The following SPI1 variants were observed in gnomAD, a reference collection of about 807,000 sequenced individuals.
SPI1 encodes the protein transcription factor PU.1.
In SPI1, 3 loss-of-function variants were observed where a neutral mutation model predicts 30.7. The ratio of observed to expected loss-of-function variants is 0.10; its 90% CI spans 0.04 to 0.25. SPI1 has a LOEUF of 0.25. Ranked by LOEUF, SPI1 falls within the 10% of genes least tolerant of loss-of-function variation. The pLI, the probability that SPI1 is intolerant of heterozygous loss-of-function variation, is 1.00. For missense variants in SPI1, 261 were observed against 371.5 expected (o/e 0.70, Z 2.45); for synonymous variants, 169 against 157.1 (o/e 1.08, Z -0.56).
intron 2 of SPI1, among the ~76,000 whole-genome samples, chr11:47,370,865 T>G (rs2095934769): frequency 6.6e-6 from 1 of 151,776 alleles, no homozygotes; most frequent in African/African-American, 2.4e-5. Context: ...ATTGGGGATG[T>G]GTGGAGAAAT....
intron 2 of SPI1, among the ~76,000 whole-genome samples, chr11:47,362,376 C>T (rs1337646394): frequency 6.6e-6 from 1 of 152,034 alleles, no homozygotes; most frequent in Admixed American, 6.6e-5. Context: ...TTGAGACCGG[C>T]CTGGGCAACA....
At chr11:47,356,059 ACT>A (rs1217096927) in intron 4 of SPI1, among the ~76,000 whole-genome samples, 7 of 150,038 alleles carry the variant, frequency 4.7e-5, no homozygotes, top group Non-Finnish European at 5.9e-5. Context: ...GTGCTCACAG[ACT>A]CACACCCACA....
intron 2 of SPI1, among the ~76,000 whole-genome samples, chr11:47,361,771 A>G (rs770770919): frequency 1.3e-5 from 2 of 152,068 alleles, no homozygotes; most frequent in Admixed American, 1.3e-4. Context: ...CACATCCCTA[A>G]TAGATAATCA....
chr11:47,356,993 T>C (rs1471078845), intron 4 of SPI1, among the ~76,000 whole-genome samples: 1 of 145,794 alleles, frequency 6.9e-6, no homozygotes, highest in Non-Finnish European at 1.5e-5. Context: ...TGCTCACCTA[T>C]CCATACACAC....
At chr11:47,367,137 AAATT>A (rs1368469691) in intron 2 of SPI1, among the ~76,000 whole-genome samples, 1 of 152,204 alleles carries the variant, frequency 6.6e-6, no homozygotes, top group Non-Finnish European at 1.5e-5. Context: ...GTGTGTGAAT[AAATT>A]AATGAATGTG....
chr11:47,361,504 C>T (rs935217930), intron 2 of SPI1, among the ~76,000 whole-genome samples: 1 of 152,202 alleles, frequency 6.6e-6, no homozygotes, highest in Non-Finnish European at 1.5e-5. Flanking sequence ...AGCATGAACA[C>T]CTTTTCCAGG....
chr11:47,355,845 C>T (rs937737239), intron 4 of SPI1, among the ~76,000 whole-genome samples: 1 of 112,536 alleles, frequency 8.9e-6, no homozygotes, highest in Non-Finnish European at 1.9e-5. Flanking sequence ...ATCCACATAA[C>T]GCACCCACAC....
intron 4 of SPI1, among the ~76,000 whole-genome samples, chr11:47,356,826 CACGTT>C (rs1242626416): frequency 7.3e-5 from 11 of 150,610 alleles, no homozygotes; most frequent in African/African-American, 2.7e-4. Flanking sequence ...ACACACATCT[CACGTT>C]ACTCAGCCCC....
At chr11:47,362,395 C>T (rs2095922051) in intron 2 of SPI1, among the ~76,000 whole-genome samples, 1 of 151,944 alleles carries the variant, frequency 6.6e-6, no homozygotes, top group African/African-American at 2.4e-5. Flanking sequence ...CATAGTGAGA[C>T]CCTATCTCTA....
intron 2 of SPI1, among the ~76,000 whole-genome samples, chr11:47,361,360 G>A (rs1360061935): frequency 2.6e-5 from 4 of 152,116 alleles, no homozygotes; most frequent in African/African-American, 2.4e-5. Flanking sequence ...CTGTGTTCCC[G>A]TGAGGTTCCT....
At chr11:47,371,076 G>A (rs1209379394) in intron 2 of SPI1, among the ~76,000 whole-genome samples, 6 of 151,738 alleles carry the variant, frequency 4.0e-5, no homozygotes, top group Non-Finnish European at 5.9e-5. Flanking sequence ...TAGAAAGACT[G>A]GAGGCCGGGC....
chr11:47,366,531 G>C (rs542098207), intron 2 of SPI1, among the ~76,000 whole-genome samples: 1 of 152,106 alleles, frequency 6.6e-6, no homozygotes, highest in Admixed American at 6.6e-5. Context: ...TAGGGCTCCC[G>C]AAGCCCAGCC....
chr11:47,355,826 CAT>C (rs1400907021), intron 4 of SPI1, among the ~76,000 whole-genome samples: 4 of 148,802 alleles, frequency 2.7e-5, no homozygotes, highest in East Asian at 2.0e-4. Context: ...AGTACACACA[CAT>C]GCTCACATCC....
chr11:47,369,213 C>T (rs984044560), intron 2 of SPI1, among the ~76,000 whole-genome samples: 22 of 152,226 alleles, frequency 1.4e-4, no homozygotes, highest in Non-Finnish European at 2.2e-4. Flanking sequence ...GATCACGCCA[C>T]TGCACTCCAG....
rs1014383345 is a variant in SPI1, at chr11:47,374,823, G to A, written c.142+810C>T. Among the ~76,000 whole-genome samples the A allele has an allele frequency of 2.6e-5, 4 of 152,244 alleles. No individual in the cohort carries two copies. The highest frequency in any genetic ancestry group is 2.9e-5 in the Non-Finnish European group (2 of 68,048). ...GAATTTGCTCCAGGACGGAGGCTGGGCTATGGGGCAGACAGTCAGACCCAG... is the reference window on the plus strand; with the variant it reads ...GAATTTGCTCCAGGACGGAGGCTGGACTATGGGGCAGACAGTCAGACCCAG... On this transcript the variant is annotated intron_variant, in intron 2 of 4. Transcript: ENST00000378538. The surrounding 1 kb of genome is among the most constrained non-coding windows in gnomAD (Gnocchi z 4.5).
chr11:47,360,015 G>T lies in SPI1; in HGVS notation c.168C>A (p.His56Gln). 6.3e-7 allele frequency: 1 copy of T among 1,589,026 alleles called. No individual in the cohort carries two copies. The highest frequency in any genetic ancestry group is 8.6e-7 in the Non-Finnish European group (1 of 1,166,094). ...HSDHYWDFHPHHVHSEFESFA... is the reference protein window; with the variant it reads ...HSDHYWDFHPQHVHSEFESFA... ...AGCTCTCGAACTCGCTGTGCACGTG[G>T]TGGGGGTGGAAGTCCCAGTAATGGT... Residue 56 changes from histidine (H) to glutamine (Q), a missense_variant, in exon 3 of 5, where the codon CAC (histidine) becomes CAA (glutamine). Coordinates refer to ENST00000378538, the MANE Select transcript of SPI1 (RefSeq NM_003120.3).
Position 47,365,992 on chromosome 11 carries a change from G to T in SPI1, c.143-5952C>A, listed in dbSNP as rs796560694. Among the ~76,000 whole-genome samples the T allele has an allele frequency of 2.0e-5, 3 of 152,286 alleles. No individual in the cohort carries two copies. In the South Asian group the frequency reaches 6.2e-4, roughly 32 times the overall value. On this transcript the variant is annotated intron_variant, in intron 2 of 4. Coordinates refer to ENST00000378538, the MANE Select transcript of SPI1 (RefSeq NM_003120.3). ...TTACAGGCATGAGCCACTGCACCCAGCCAACACTGAGAGATTTTAATGAGT... is the reference window on the plus strand; with the variant it reads ...TTACAGGCATGAGCCACTGCACCCATCCAACACTGAGAGATTTTAATGAGT...
chr11:47,372,105 CTTTT>C (rs912143261), intron 2 of SPI1, among the ~76,000 whole-genome samples: 11 of 140,854 alleles, frequency 7.8e-5, no homozygotes, highest in Admixed American at 1.4e-4. Context: ...TTGTCTGATT[CTTTT>C]TTTTTTTTTT....
At position 47,375,776 on chromosome 11, in the gene SPI1, C is replaced by T; in HGVS notation, c.46-47G>A. 1 of 1,499,738 alleles carries T rather than the reference C, an allele frequency of 6.7e-7. No homozygotes were observed. The highest frequency in any genetic ancestry group is 9.3e-7 in the Non-Finnish European group (1 of 1,077,024). The allele number at this position is 1,499,738 out of a possible 1,614,324, so 92.9% of individuals were successfully genotyped here. A position where few individuals can be genotyped will look rare whatever the true frequency, so the allele number is the denominator to read the frequency against. On this transcript the variant is annotated intron_variant, in intron 1 of 4. Coordinates refer to ENST00000378538, the MANE Select transcript of SPI1 (RefSeq NM_003120.3). The surrounding 1 kb of genome is among the most constrained non-coding windows in gnomAD (Gnocchi z 4.2). Reference sequence around the variant, plus strand: ...GGGCCTGCACCATGGTGGGAGACCCCAGCCAGGCCTGCAGCACCCCCGCAC... The same window carrying T: ...GGGCCTGCACCATGGTGGGAGACCCTAGCCAGGCCTGCAGCACCCCCGCAC...
Sources: allele counts gnomAD v4.1 joint callset (sites outside exome capture counted in the v4.1 genomes callset), GRCh38; gene constraint gnomAD v4.1.1; non-coding constraint Gnocchi (gnomAD v3.1); transcripts MANE v1.5; gene names NCBI Gene and HGNC (gene_info 2026-07-23, HGNC 2026-07-21).